SPICE1: variants seen among roughly 807,000 people sequenced by gnomAD.
SPICE1 encodes spindle and centriole associated protein 1.
A neutral mutation model predicts 102.7 loss-of-function variants in SPICE1; 75 were observed. The ratio of observed to expected loss-of-function variants is 0.73; its 90% confidence interval spans 0.61 to 0.88. The LOEUF is 0.88. SPICE1 is among the 40% of genes least tolerant of loss of function. SPICE1 has a pLI of 0.00. For synonymous variants in SPICE1, 308 were observed against 350.3 expected (o/e 0.88, Z 1.35); for missense variants, 979 against 1,020.1 (o/e 0.96, Z 0.55).
At chr3:113,489,711 G>A (rs1166413027) in intron 6 of SPICE1, among the ~76,000 whole-genome samples, 3 of 151,974 alleles carry the variant, frequency 2.0e-5, no homozygotes, top group African/African-American at 7.3e-5. Context: ...GCCAGGTGAG[G>A]TAGCCCACAC....
chr3:113,452,929 G>A (rs1264835145), intron 14 of SPICE1, among the ~76,000 whole-genome samples: 1 of 152,092 alleles, frequency 6.6e-6, no homozygotes, highest in Admixed American at 6.5e-5. Flanking sequence ...AGTGAGCCGA[G>A]ATCATGCCAC....
intron 5 of SPICE1, 32 bp from the exon 6 acceptor site, chr3:113,493,344 T>G (rs1241573644): frequency 6.4e-7 from 1 of 1,554,940 alleles, no homozygotes; most frequent in South Asian, 1.1e-5. Context: ...TGATGATTTG[T>G]TTCATTTAAT....
chr3:113,453,641 A>AGCT lies in SPICE1; in HGVS notation c.1964_1966dup (p.Gln655dup). The AGCT allele has an allele frequency of 6.2e-7, 1 of 1,614,132 alleles. No homozygotes were observed. Among genetic ancestry groups the AGCT allele is most frequent in the Non-Finnish European group, 8.5e-7 (1 of 1,180,042 alleles). ...TTGTATTAATGACTCATTTGTTCTCAGCTGCTGCCCATCTCCCAGTACTGG... is the reference window on the plus strand; with the variant it reads ...TTGTATTAATGACTCATTTGTTCTCAGCTGCTGCTGCCCATCTCCCAGTACTGG... On this transcript the variant is annotated inframe_insertion, in exon 14 of 18. Coordinates refer to ENST00000295872, the MANE Select transcript of SPICE1 (RefSeq NM_144718.4).
At chr3:113,485,050 ACAGT>A (rs1936611092) in intron 7 of SPICE1, among the ~76,000 whole-genome samples, 1 of 152,058 alleles carries the variant, frequency 6.6e-6, no homozygotes, top group Non-Finnish European at 1.5e-5. Context: ...TGCTTTTCCC[ACAGT>A]CTTCGCAACC....
At chr3:113,469,350 ATTATAAT>A (rs1447529352) in intron 7 of SPICE1, 112 bp from the exon 8 acceptor site, 2 of 244,350 alleles carry the variant, frequency 8.2e-6, no homozygotes, top group African/African-American at 4.7e-5. Context: ...TATCTATATT[ATTATAAT>A]TTATATTTAT....
At chr3:113,497,088 T>C (rs943723492) in intron 4 of SPICE1, among the ~76,000 whole-genome samples, 1 of 152,182 alleles carries the variant, frequency 6.6e-6, no homozygotes, top group Non-Finnish European at 1.5e-5. Flanking sequence ...GGAATGGCCA[T>C]GTGATGACTT....
rs1000497575 is a variant in SPICE1, at chr3:113,444,977, T to C, written c.*330A>G. 1 of 172,516 alleles carries C rather than the reference T, an allele frequency of 5.8e-6. No individual in the cohort carries two copies. The highest frequency in any genetic ancestry group is 1.2e-5 in the Non-Finnish European group (1 of 81,712). The allele number at this position is 172,516 out of a possible 1,614,324, so 10.7% of individuals were successfully genotyped here. On this transcript the variant is annotated 3_prime_UTR_variant, in exon 18 of 18. Coordinates refer to ENST00000295872, the MANE Select transcript of SPICE1 (RefSeq NM_144718.4). ...ATAAATAAATGGATCAACTAAGATATACTAAACCTCAAAAAACCCTGAATA... is the reference window on the plus strand; with the variant it reads ...ATAAATAAATGGATCAACTAAGATACACTAAACCTCAAAAAACCCTGAATA...
At chr3:113,509,235 AT>A (rs771247238) in intron 1 of SPICE1, among the ~76,000 whole-genome samples, 1 of 152,226 alleles carries the variant, frequency 6.6e-6, no homozygotes, top group Non-Finnish European at 1.5e-5. Flanking sequence ...TTATAGCTCA[AT>A]AAAGCTGTTA....
Position 113,508,462 on chromosome 3 carries a change from T to C in SPICE1, c.1-1857A>G, listed in dbSNP as rs139248207. On this transcript the variant is annotated intron_variant, in intron 1 of 17. Coordinates refer to ENST00000295872, the MANE Select transcript of SPICE1 (RefSeq NM_144718.4). ...CCGATTTAAAAATGGGCATAGGACT[T>C]GAATAGACATTCCTCCAAGGAAGAT... Among the ~76,000 whole-genome samples, 645 of 152,248 alleles carry C rather than the reference T, an allele frequency of 4.2e-3. 7 individuals carry two copies. Among genetic ancestry groups the C allele is most frequent in the African/African-American group, 0.015 (626 of 41,556 alleles).
At chr3:113,476,288 T>C (rs535204614) in intron 7 of SPICE1, among the ~76,000 whole-genome samples, 3 of 150,832 alleles carry the variant, frequency 2.0e-5, no homozygotes, top group Non-Finnish European at 4.4e-5. Flanking sequence ...TAAAAGAGGA[T>C]ACAAACAAAT....
intron 10 of SPICE1, 103 bp downstream of exon 10, chr3:113,468,036 C>A: frequency 6.9e-7 from 1 of 1,451,598 alleles, no homozygotes; most frequent in African/African-American, 1.4e-5. Context: ...CGAAGCTATT[C>A]AAATTTGACT....
At chr3:113,449,330 A>G (rs372710679) in intron 15 of SPICE1, 1 of 140,106 alleles carries the variant, frequency 7.1e-6, no homozygotes, top group South Asian at 2.3e-4. Flanking sequence ...ACATGTTCGC[A>G]CATAGTACAT....
chr3:113,480,931 A>AAAG (rs1936483675), intron 7 of SPICE1, among the ~76,000 whole-genome samples: 1 of 143,612 alleles, frequency 7.0e-6, no homozygotes. Context: ...AAAGAAAGAA[A>AAAG]AAAGACCTCA....
chr3:113,481,568 C>G (rs115517410), intron 7 of SPICE1, among the ~76,000 whole-genome samples: 3 of 151,920 alleles, frequency 2.0e-5, no homozygotes, highest in Admixed American at 1.3e-4. Context: ...CTCCCCTAGC[C>G]CCCCCAACCC....
At chr3:113,496,472 G>A (rs1278561598) in intron 4 of SPICE1, among the ~76,000 whole-genome samples, 1 of 152,144 alleles carries the variant, frequency 6.6e-6, no homozygotes, top group Non-Finnish European at 1.5e-5. Flanking sequence ...TTGTACCACA[G>A]TAAAAGACAT....
At chr3:113,464,413 T>C (rs1309611123) in intron 11 of SPICE1, among the ~76,000 whole-genome samples, 1 of 151,948 alleles carries the variant, frequency 6.6e-6, no homozygotes, top group Non-Finnish European at 1.5e-5. Context: ...TATGCTACCA[T>C]GCCCAGCTAA....
intron 4 of SPICE1, among the ~76,000 whole-genome samples, chr3:113,497,680 CATAGAG>C (rs1414825440): frequency 8.7e-6 from 1 of 114,542 alleles, no homozygotes; most frequent in African/African-American, 3.2e-5. Flanking sequence ...TGCATACATA[CATAGAG>C]AGAGAGAGAG....
chr3:113,455,632 C>T (rs1935763668), intron 13 of SPICE1, among the ~76,000 whole-genome samples: 1 of 152,166 alleles, frequency 6.6e-6, no homozygotes, highest in African/African-American at 2.4e-5. Flanking sequence ...CTATGTATCA[C>T]CCATTTTCAT....
At chr3:113,480,730 T>A (rs1271259683) in intron 7 of SPICE1, among the ~76,000 whole-genome samples, 1 of 151,352 alleles carries the variant, frequency 6.6e-6, no homozygotes, top group East Asian at 1.9e-4. Context: ...TAAAAAAAAA[T>A]GTATCTGGGT....
Sources: gnomAD v4.1 joint callset for allele counts (sites outside exome capture counted in the v4.1 genomes callset) on GRCh38, gnomAD v4.1.1 for gene constraint, MANE v1.5 for transcripts, NCBI Gene and HGNC (gene_info 2026-07-23, HGNC 2026-07-21) for gene names.